Variants in ADAMTSL1 observed in about 807,000 individuals in gnomAD.
ADAMTSL1 encodes ADAMTS like 1, also known as ADAMTS-like protein 1.
A neutral mutation model predicts 201.8 loss-of-function variants in ADAMTSL1; 126 were observed. That is an observed-to-expected ratio of 0.62 (90% CI 0.54 to 0.72). ADAMTSL1 has a LOEUF of 0.72. Among genes scored for constraint, ADAMTSL1 ranks in the 30% least tolerant of loss-of-function variants. The probability of loss-of-function intolerance (pLI) is 0.00; values close to 1 mark genes in which losing one functional copy is unlikely to be tolerated. For synonymous variants in ADAMTSL1, 1,121 were observed against 903.4 expected (o/e 1.24, Z -4.32); for missense variants, 2,679 against 2,277.8 (o/e 1.18, Z -3.59).
At chr9:18,834,382 C>T (rs1334983436) in intron 23 of ADAMTSL1, among the ~76,000 whole-genome samples, 6 of 152,042 alleles carry the variant, frequency 3.9e-5, no homozygotes, top group Admixed American at 2.6e-4. Context: ...TTTTGCAGTT[C>T]TCTTTGTGGA....
intron 3 of ADAMTSL1, among the ~76,000 whole-genome samples, chr9:18,550,836 A>C (rs180677567): frequency 8.3e-4 from 127 of 152,138 alleles, no homozygotes; most frequent in African/African-American, 2.9e-3. Flanking sequence ...TTTTAAAAAA[A>C]CATATTTGTG....
chr9:18,888,082 A>G (rs988082244), intron 24 of ADAMTSL1, 39 bp downstream of exon 24: 1 of 1,582,530 alleles, frequency 6.3e-7, no homozygotes, highest in Non-Finnish European at 8.6e-7. Flanking sequence ...GGACTTGAAC[A>G]AGAAAGCCCA....
intron 3 of ADAMTSL1, among the ~76,000 whole-genome samples, chr9:18,553,410 C>T (rs191915337): frequency 1.3e-5 from 2 of 151,658 alleles, no homozygotes; most frequent in Non-Finnish European, 3.0e-5. Context: ...GATTTATGTG[C>T]TATTTTTGTC....
chr9:18,721,540 C>G lies in ADAMTSL1; in HGVS notation c.1881C>G (p.Val627=), dbSNP rs1444583278. The change falls in exon 15 of 29, where the codon GTC becomes GTG. Residue 627 remains valine, a synonymous_variant. Coordinates refer to ENST00000380548, the MANE Select transcript of ADAMTSL1 (RefSeq NM_001040272.6). The part of the protein sequence containing the change: ...TKCSESCGGG[V]QEAVVSCLNK... ...GACCGTGTGATTTGTACACAGGTGT[C>G]CAGGAGGCTGTGGTGAGCTGCTTGA... 16 of 1,613,770 alleles carry G rather than the reference C, an allele frequency of 9.9e-6. No individual in the cohort carries two copies. The highest frequency in any genetic ancestry group is 1.3e-5 in the Non-Finnish European group (15 of 1,179,844).
chr9:18,505,484 C>T (rs1823074508), intron 2 of ADAMTSL1, among the ~76,000 whole-genome samples: 1 of 152,114 alleles, frequency 6.6e-6, no homozygotes. Flanking sequence ...ATAGAAGCTT[C>T]AGTGGGAATT....
chr9:18,882,199 T>C (rs1828575902), intron 23 of ADAMTSL1, among the ~76,000 whole-genome samples: 2 of 152,148 alleles, frequency 1.3e-5, no homozygotes, highest in Non-Finnish European at 2.9e-5. Context: ...ATGAGGACTA[T>C]GAGAAAATAT....
At chr9:18,738,284 T>C (rs943231094) in intron 15 of ADAMTSL1, among the ~76,000 whole-genome samples, 3 of 152,168 alleles carry the variant, frequency 2.0e-5, no homozygotes, top group Non-Finnish European at 4.4e-5. Flanking sequence ...AGGAATTGAG[T>C]ATGATAATGC....
At chr9:18,391,776 G>A (rs919471143) in intron 2 of ADAMTSL1, among the ~76,000 whole-genome samples, 6 of 148,004 alleles carry the variant, frequency 4.1e-5, no homozygotes, top group African/African-American at 1.2e-4. Flanking sequence ...ATTTTTTGTT[G>A]TTGTTGTTTA....
chr9:18,227,604 C>A (rs1419945509), intron 2 of ADAMTSL1, among the ~76,000 whole-genome samples: 2 of 152,164 alleles, frequency 1.3e-5, no homozygotes, highest in Non-Finnish European at 2.9e-5. Flanking sequence ...GAATTGGCAG[C>A]ACATATGCCT....
chr9:18,593,225 T>C (rs577172026), intron 4 of ADAMTSL1, among the ~76,000 whole-genome samples: 1,789 of 152,244 alleles, frequency 0.012, 43 homozygotes, highest in African/African-American at 0.041. Context: ...GCAGTTTGAT[T>C]TCTCTAGCTA....
intron 1 of ADAMTSL1, among the ~76,000 whole-genome samples, chr9:17,927,429 C>T (rs1374782772): frequency 6.6e-6 from 1 of 151,780 alleles, no homozygotes; most frequent in Non-Finnish European, 1.5e-5. Flanking sequence ...TACATGTATA[C>T]ATATATGTAC....
intron 1 of ADAMTSL1, among the ~76,000 whole-genome samples, chr9:17,991,593 G>A (rs984242872): frequency 1.3e-5 from 2 of 152,036 alleles, no homozygotes; most frequent in African/African-American, 4.8e-5. Context: ...TCTCTGGATG[G>A]CCCCTGTTTG....
intron 1 of ADAMTSL1, among the ~76,000 whole-genome samples, chr9:18,001,548 C>T (rs1819612286): frequency 6.6e-6 from 1 of 152,028 alleles, no homozygotes; most frequent in African/African-American, 2.4e-5. Context: ...TTAGAACGGG[C>T]TGATTCAAAG....
In ADAMTSL1 at chr9:18,826,421, C is replaced by G. The variant is rs1258103548; in HGVS notation, c.4072C>G (p.Leu1358Val). Residue 1358 changes from leucine (L) to valine (V), a missense_variant, in exon 22 of 29, where the codon CTT becomes GTT. Coordinates refer to ENST00000380548, the MANE Select transcript of ADAMTSL1 (RefSeq NM_001040272.6). ...QGLYSCRAAN[L>V]HGELTESTQL... ...CCTGTACTCCTGCAGGGCGGCCAAT[C>G]TTCATGGAGAGCTGACTGAGAGCAC... 3 of 1,613,740 alleles carry G rather than the reference C, an allele frequency of 1.9e-6. No homozygotes were observed. The African/African-American group carries it at 4.0e-5, about 22-fold the overall frequency.
chr9:18,126,733 G>A (rs1157839896), intron 1 of ADAMTSL1, among the ~76,000 whole-genome samples: 2 of 152,092 alleles, frequency 1.3e-5, no homozygotes, highest in East Asian at 1.9e-4. Flanking sequence ...ATCATGACTT[G>A]GGTAAATCTA....
At chr9:18,536,001 G>T (rs577166754) in intron 3 of ADAMTSL1, among the ~76,000 whole-genome samples, 2 of 152,024 alleles carry the variant, frequency 1.3e-5, no homozygotes, top group Non-Finnish European at 1.5e-5. Context: ...AGCACTCCAT[G>T]AGCCAAAATC....
intron 1 of ADAMTSL1, among the ~76,000 whole-genome samples, chr9:17,972,289 A>G (rs1238718197): frequency 1.6e-5 from 2 of 123,954 alleles, no homozygotes; most frequent in Non-Finnish European, 3.5e-5. Context: ...CATTAAGTAT[A>G]TCTCCTAATG....
intron 13 of ADAMTSL1, among the ~76,000 whole-genome samples, chr9:18,688,971 A>T (rs929040130): frequency 6.6e-6 from 1 of 151,782 alleles, no homozygotes; most frequent in Non-Finnish European, 1.5e-5. Context: ...GTCATTTCGA[A>T]TTTCCCTCCA....
chr9:18,875,435 G>T (rs1419532615), intron 23 of ADAMTSL1, among the ~76,000 whole-genome samples: 1 of 152,058 alleles, frequency 6.6e-6, no homozygotes, highest in African/African-American at 2.4e-5. Context: ...TATCACAGAG[G>T]TTTTGAAAGA....
Sources: gnomAD v4.1 joint callset for allele counts (sites outside exome capture counted in the v4.1 genomes callset) on GRCh38, gnomAD v4.1.1 for gene constraint, MANE v1.5 for transcripts, NCBI Gene and HGNC (gene_info 2026-07-23, HGNC 2026-07-21) for gene names.